The following NOL4 variants were observed in gnomAD, a reference collection of about 807,000 sequenced individuals.
The protein encoded by NOL4 is nucleolar protein 4, also known as cancer/testis antigen 125.
A neutral mutation model predicts 75.9 loss-of-function variants in NOL4; 17 were observed. The observed-to-expected ratio is 0.22, with a 90% confidence interval of 0.15 to 0.34. The LOEUF is 0.34. Among genes scored for constraint, NOL4 ranks in the 10% least tolerant of loss-of-function variants. NOL4 has a pLI of 1.00. For missense variants in NOL4, 614 were observed against 793.5 expected (o/e 0.77, Z 2.72); for synonymous variants, 292 against 289.9 (o/e 1.01, Z -0.07).
chr18:34,142,752 G>A (rs1256811324), intron 1 of NOL4, among the ~76,000 whole-genome samples: 1 of 152,084 alleles, frequency 6.6e-6, no homozygotes, highest in Non-Finnish European at 1.5e-5. Context: ...AATGGGTGCA[G>A]CACACCAACA....
intron 5 of NOL4, among the ~76,000 whole-genome samples, chr18:34,048,013 A>G (rs1446701854): frequency 1.3e-5 from 2 of 152,192 alleles, no homozygotes; most frequent in Non-Finnish European, 2.9e-5. Flanking sequence ...ATATGTATGC[A>G]TAATTAGAAA....
At chr18:34,009,933 A>G (rs1481662597) in intron 6 of NOL4, among the ~76,000 whole-genome samples, 2 of 151,956 alleles carry the variant, frequency 1.3e-5, no homozygotes, top group African/African-American at 2.4e-5. Flanking sequence ...TGAGAATTAC[A>G]TAAGTTAGTT....
Position 34,223,864 on chromosome 18 carries a change from C to T in NOL4, c.-611G>A, listed in dbSNP as rs1304660978. ...TCCTCCTGGGTCCTGCTTTGACCTT[C>T]CCCACGACGGGTGTTAAGGGACTAG... On this transcript the variant is annotated 5_prime_UTR_variant, in exon 1 of 11. Coordinates refer to ENST00000261592, the MANE Select transcript of NOL4 (RefSeq NM_003787.5). The T allele has an allele frequency of 6.6e-6, 1 of 152,612 alleles. No individual in the cohort carries two copies. The highest frequency in any genetic ancestry group is 1.5e-5 in the Non-Finnish European group (1 of 68,366). The allele number at this position is 152,612 out of a possible 1,614,324, so 9.5% of individuals were successfully genotyped here.
At chr18:34,156,862 T>A (rs2030498611) in intron 1 of NOL4, among the ~76,000 whole-genome samples, 1 of 151,916 alleles carries the variant, frequency 6.6e-6, no homozygotes, top group Admixed American at 6.6e-5. Context: ...AAATCCAAAT[T>A]CCTCATCATG....
chr18:34,215,204 C>G (rs368085804), intron 1 of NOL4, among the ~76,000 whole-genome samples: 1 of 151,978 alleles, frequency 6.6e-6, no homozygotes, highest in African/African-American at 2.4e-5. Context: ...GATGGATGGA[C>G]AGTTGGACAG....
intron 4 of NOL4, 30 bp downstream of exon 4, chr18:34,104,017 G>T: frequency 7.1e-7 from 1 of 1,413,804 alleles, no homozygotes; most frequent in Non-Finnish European, 1.0e-6. Flanking sequence ...CAATTTGTAA[G>T]TAATACAAAT....
intron 6 of NOL4, among the ~76,000 whole-genome samples, chr18:33,986,775 A>G (rs544607944): frequency 1.3e-5 from 2 of 152,286 alleles, no homozygotes; most frequent in South Asian, 4.1e-4. Context: ...TATTTACCCA[A>G]AATAAATGAA....
At chr18:34,215,502 T>C (rs925122186) in intron 1 of NOL4, among the ~76,000 whole-genome samples, 7 of 152,134 alleles carry the variant, frequency 4.6e-5, no homozygotes, top group Non-Finnish European at 2.9e-5. Flanking sequence ...CAACCAACAG[T>C]TGAACATTGA....
At chr18:34,167,174 A>G (rs2032478051) in intron 1 of NOL4, among the ~76,000 whole-genome samples, 1 of 151,980 alleles carries the variant, frequency 6.6e-6, no homozygotes, top group African/African-American at 2.4e-5. Flanking sequence ...TAAAGTATAC[A>G]AAGGGATGTG....
At chr18:34,089,847 A>G (rs1307409894) in intron 5 of NOL4, among the ~76,000 whole-genome samples, 1 of 152,244 alleles carries the variant, frequency 6.6e-6, no homozygotes, top group East Asian at 1.9e-4. Flanking sequence ...TTGTGTGTCA[A>G]TAGTGGCAAC....
intron 6 of NOL4, among the ~76,000 whole-genome samples, chr18:34,003,401 A>C (rs1403510142): frequency 1.3e-5 from 2 of 152,070 alleles, no homozygotes; most frequent in Non-Finnish European, 2.9e-5. Flanking sequence ...CTGAATAAAT[A>C]TTTGTTTAAA....
chr18:34,018,798 A>G (rs1325418953), intron 6 of NOL4, among the ~76,000 whole-genome samples: 2 of 152,138 alleles, frequency 1.3e-5, no homozygotes, highest in Non-Finnish European at 2.9e-5. Flanking sequence ...TCATTTCTTA[A>G]AATAATTAAT....
At chr18:34,019,293 T>C in intron 6 of NOL4, 25 bp downstream of exon 6, 3 of 1,599,018 alleles carry the variant, frequency 1.9e-6, no homozygotes, top group Non-Finnish European at 2.6e-6. Flanking sequence ...ACTCAAAAAT[T>C]CTGGAAATTG....
intron 1 of NOL4, among the ~76,000 whole-genome samples, chr18:34,173,005 G>A (rs1434625162): frequency 2.0e-5 from 3 of 151,986 alleles, no homozygotes; most frequent in Non-Finnish European, 2.9e-5. Flanking sequence ...CAGCTATTCA[G>A]TTTGATGTAG....
chr18:34,084,225 C>T (rs2078143202), intron 5 of NOL4, among the ~76,000 whole-genome samples: 1 of 152,052 alleles, frequency 6.6e-6, no homozygotes, highest in South Asian at 2.1e-4. Flanking sequence ...GTGGAATCCC[C>T]CTCCTCTGGG....
chr18:33,988,929 G>A (rs2146082951), intron 6 of NOL4, among the ~76,000 whole-genome samples: 1 of 152,026 alleles, frequency 6.6e-6, no homozygotes, highest in African/African-American at 2.4e-5. Flanking sequence ...TGGGCACAGT[G>A]GCTCATGCCT....
chr18:34,221,921 G>A (rs2037338016), intron 1 of NOL4: 2 of 967,198 alleles, frequency 2.1e-6, no homozygotes. Context: ...CAGTACAGGA[G>A]GGGGGAAAGG....
At chr18:34,194,382 GAAGAA>G (rs770640038) in intron 1 of NOL4, among the ~76,000 whole-genome samples, 2 of 148,412 alleles carry the variant, frequency 1.3e-5, no homozygotes, top group East Asian at 2.0e-4. Flanking sequence ...ACTAAGAAAA[GAAGAA>G]AAGAAAGATT....
chr18:34,132,711 CA>C (rs1164811761), intron 1 of NOL4, among the ~76,000 whole-genome samples: 1 of 128,108 alleles, frequency 7.8e-6, no homozygotes, highest in Non-Finnish European at 1.7e-5. Context: ...GCTTAGAGCT[CA>C]ACAAACCCAA....
Sources: allele counts gnomAD v4.1 joint callset (sites outside exome capture counted in the v4.1 genomes callset), GRCh38; gene constraint gnomAD v4.1.1; transcripts MANE v1.5; gene names NCBI Gene and HGNC (gene_info 2026-07-23, HGNC 2026-07-21).